The following WDR7 variants were observed in gnomAD, a reference collection of about 807,000 sequenced individuals.
The protein encoded by WDR7 is WD repeat-containing protein 7.
WDR7 carries 46 observed loss-of-function variants against 169.4 expected under a neutral mutation model. That is an observed-to-expected ratio of 0.27 (90% confidence interval 0.21 to 0.35). The LOEUF (loss-of-function observed/expected upper bound fraction) is 0.35, where lower values mean the gene tolerates loss of function less well. Ranked by LOEUF, WDR7 falls within the 10% of genes least tolerant of loss-of-function variation. The pLI is 1.00. For synonymous variants in WDR7, 612 were observed against 666.8 expected (o/e 0.92, Z 1.27); for missense variants, 1,534 against 1,859.3 (o/e 0.83, Z 3.22).
chr18:56,778,834 C>T (rs1470537768), intron 17 of WDR7, among the ~76,000 whole-genome samples: 1 of 152,200 alleles, frequency 6.6e-6, no homozygotes, highest in Middle Eastern at 3.4e-3. Flanking sequence ...TGTCTGAATT[C>T]ATTTTTTTCT....
intron 14 of WDR7, among the ~76,000 whole-genome samples, chr18:56,740,586 A>G (rs1411075832): frequency 2.6e-5 from 4 of 152,182 alleles, no homozygotes; most frequent in Non-Finnish European, 5.9e-5. Flanking sequence ...ATAATCAGGG[A>G]CTAACCTGAG....
intron 20 of WDR7, among the ~76,000 whole-genome samples, chr18:56,869,752 G>T (rs944950405): frequency 3.3e-5 from 5 of 152,218 alleles, no homozygotes; most frequent in Non-Finnish European, 7.4e-5. Flanking sequence ...TACTTTAGGT[G>T]CACAGGTTGA....
chr18:56,882,449 T>C (rs1446558914), intron 21 of WDR7, among the ~76,000 whole-genome samples: 1 of 152,232 alleles, frequency 6.6e-6, no homozygotes, highest in Non-Finnish European at 1.5e-5. Flanking sequence ...CACAGTATCT[T>C]GAGGAGATTG....
chr18:56,927,613 A>G (rs1316715442), intron 22 of WDR7, among the ~76,000 whole-genome samples: 1 of 150,974 alleles, frequency 6.6e-6, no homozygotes, highest in Non-Finnish European at 1.5e-5. Flanking sequence ...CCCGACTCTT[A>G]AAAAAAAATA....
At chr18:56,769,863 A>G (rs529702399) in intron 16 of WDR7, among the ~76,000 whole-genome samples, 2 of 152,336 alleles carry the variant, frequency 1.3e-5, no homozygotes, top group African/African-American at 4.8e-5. Context: ...TCCATACATC[A>G]TATTAAGGAA....
intron 26 of WDR7, among the ~76,000 whole-genome samples, chr18:57,005,741 G>A (rs902924047): frequency 6.6e-6 from 1 of 152,042 alleles, no homozygotes; most frequent in Non-Finnish European, 1.5e-5. Context: ...ACTTTCCTGG[G>A]CCATACTGGA....
chr18:56,706,552 T>C (rs1056028742), intron 12 of WDR7, among the ~76,000 whole-genome samples: 5 of 152,356 alleles, frequency 3.3e-5, no homozygotes, highest in Non-Finnish European at 5.9e-5. Flanking sequence ...TGAGAGCTCA[T>C]TGAATCATCA....
chr18:56,664,953 A>G (rs1447175485), intron 1 of WDR7, among the ~76,000 whole-genome samples: 1 of 152,198 alleles, frequency 6.6e-6, no homozygotes, highest in Non-Finnish European at 1.5e-5. Flanking sequence ...AGTTAAATGT[A>G]TGTTCAGAAC....
At position 56,757,183 on chromosome 18, in the gene WDR7, G is replaced by C; in HGVS notation, c.2590G>C (p.Glu864Gln). ...PACKLSHGKTEVGRKLPASEG... is the reference protein window; with the variant it reads ...PACKLSHGKTQVGRKLPASEG... ...TTGTAAACTGTCACATGGGAAAACA[G>C]AAGTAGGAAGGAAGCTGCCAGCGTC... is the stretch of plus-strand genomic sequence containing the variant. Residue 864 changes from glutamate to glutamine, a missense_variant, in exon 15 of 28, where the codon GAA becomes CAA. Physicochemically the swap from Glu to Gln is conservative, Grantham distance 29. Coordinates refer to ENST00000254442, the MANE Select transcript of WDR7 (RefSeq NM_015285.3). 1 of 1,614,114 alleles carries C rather than the reference G, an allele frequency of 6.2e-7. No individual in the cohort carries two copies. Among genetic ancestry groups the C allele is most frequent in the South Asian group, 1.1e-5 (1 of 91,082 alleles).
intron 14 of WDR7, among the ~76,000 whole-genome samples, chr18:56,736,744 A>G (rs1285600368): frequency 2.0e-5 from 3 of 152,068 alleles, no homozygotes; most frequent in African/African-American, 7.2e-5. Context: ...TGAGCTGAGT[A>G]TAAGAAGTGG....
chr18:56,994,247 C>A (rs2047862719), intron 26 of WDR7, among the ~76,000 whole-genome samples: 1 of 152,112 alleles, frequency 6.6e-6, no homozygotes, highest in Non-Finnish European at 1.5e-5. Flanking sequence ...TAGTCTCGAA[C>A]TCCTGAGCTC....
intron 24 of WDR7, 78 bp downstream of exon 24, chr18:56,938,760 T>C: frequency 6.5e-7 from 1 of 1,542,348 alleles, no homozygotes; most frequent in Non-Finnish European, 8.8e-7. Context: ...ATCAGTATCT[T>C]TATTTCCAGC....
In WDR7 at chr18:56,783,362, C is replaced by T. The variant is rs571458508; in HGVS notation, c.3190+1706C>T. On this transcript the variant is annotated intron_variant, in intron 19 of 27. Coordinates refer to ENST00000254442, the MANE Select transcript of WDR7 (RefSeq NM_015285.3). ...GTGTTCTTTGTTCATAATTTGTGGG[C>T]ATTAACTTTATAATATTCCAGAAAA... Among the ~76,000 whole-genome samples, 68 of 152,180 alleles carry T rather than the reference C, an allele frequency of 4.5e-4. No individual in the cohort carries two copies. In the South Asian group the frequency reaches 0.014, roughly 31 times the overall value.
chr18:56,739,444 T>C (rs924948307), intron 14 of WDR7, among the ~76,000 whole-genome samples: 1 of 152,152 alleles, frequency 6.6e-6, no homozygotes, highest in Admixed American at 6.5e-5. Context: ...CCATGCATTG[T>C]AACTTTACAT....
intron 12 of WDR7, chr18:56,700,010 T>G (rs2025787123): frequency 2.4e-6 from 1 of 417,398 alleles, no homozygotes. Context: ...TACTAGAGAT[T>G]AGCATTAATT....
chr18:56,724,512 A>C (rs956408679), intron 13 of WDR7, among the ~76,000 whole-genome samples: 1 of 150,900 alleles, frequency 6.6e-6, no homozygotes, highest in African/African-American at 2.5e-5. Context: ...GCTCCTGGCC[A>C]TGCCTTTGTA....
Position 56,938,766 on chromosome 18 carries a change from C to T in WDR7, c.3981+84C>T, listed in dbSNP as rs139452228. ...GTAATATAAATCAGTATCTTTATTT[C>T]CAGCATCTCTAAAAGAGATGAAGGG... On this transcript the variant is annotated intron_variant, in intron 24 of 27. Transcript: ENST00000254442. 14,437 of 1,497,894 alleles carry T rather than the reference C, an allele frequency of 9.6e-3. 90 individuals carry two copies. The highest frequency in any genetic ancestry group is 0.011 in the Non-Finnish European group (12,447 of 1,103,956). The allele number at this position is 1,497,894 out of a possible 1,614,324, so 92.8% of individuals were successfully genotyped here.
chr18:56,976,153 A>G (rs952163605), intron 26 of WDR7, among the ~76,000 whole-genome samples: 1 of 152,200 alleles, frequency 6.6e-6, no homozygotes, highest in Non-Finnish European at 1.5e-5. Flanking sequence ...CATTGACATC[A>G]CTGGTGGCTG....
chr18:56,929,799 G>A (rs1356962496), intron 22 of WDR7, among the ~76,000 whole-genome samples: 2 of 152,230 alleles, frequency 1.3e-5, no homozygotes, highest in Non-Finnish European at 2.9e-5. Context: ...AGCTAATTGT[G>A]AGAAAAGTAG....
Sources: gnomAD v4.1 joint callset for allele counts (sites outside exome capture counted in the v4.1 genomes callset) on GRCh38, gnomAD v4.1.1 for gene constraint, MANE v1.5 for transcripts, NCBI Gene and HGNC (gene_info 2026-07-23, HGNC 2026-07-21) for gene names.